Variants in EML4 observed in about 807,000 individuals in gnomAD.
EML4 encodes the protein echinoderm microtubule-associated protein-like 4.
Under a neutral mutation model 129.0 loss-of-function variants are expected in EML4, and 72 were observed. The observed-to-expected ratio is 0.56, with a 90% confidence interval of 0.46 to 0.68. The LOEUF is 0.68. EML4 is among the 30% of genes least tolerant of loss of function. EML4 has a pLI of 0.00. For synonymous variants in EML4, 532 were observed against 405.0 expected, an observed-to-expected ratio of 1.31 and a Z score of -3.77; for missense variants, 1,363 against 1,190.6, an observed-to-expected ratio of 1.14 and a Z score of -2.13.
At chr2:42,296,474 T>C (rs79655215) in intron 13 of EML4, among the ~76,000 whole-genome samples, 1 of 31,174 alleles carries the variant, frequency 3.2e-5, no homozygotes, top group Non-Finnish European at 6.4e-5. Flanking sequence ...CAACACCTTA[T>C]ACTTCTCTCT....
intron 2 of EML4, among the ~76,000 whole-genome samples, chr2:42,254,952 T>C (rs547326293): frequency 1.3e-5 from 2 of 152,302 alleles, no homozygotes; most frequent in Admixed American, 6.5e-5. Context: ...TTATAAAGAA[T>C]GAAATATATG....
intron 11 of EML4, chr2:42,289,755 G>A (rs371575607): frequency 2.0e-5 from 3 of 151,754 alleles, no homozygotes; most frequent in Admixed American, 6.6e-5. Context: ...TAGTACAAGC[G>A]ACTGCAAAAC....
At chr2:42,197,307 G>C (rs772219247) in intron 1 of EML4, among the ~76,000 whole-genome samples, 35 of 151,978 alleles carry the variant, frequency 2.3e-4, no homozygotes, top group Non-Finnish European at 4.0e-4. Flanking sequence ...CAAGTGATCC[G>C]CTTGCCTCAG....
chr2:42,216,847 A>G (rs1673225609), intron 1 of EML4, among the ~76,000 whole-genome samples: 1 of 152,202 alleles, frequency 6.6e-6, no homozygotes, highest in African/African-American at 2.4e-5. Context: ...AAAATTGGTT[A>G]TATCCAAAGT....
chr2:42,207,589 T>C (rs904522063), intron 1 of EML4, among the ~76,000 whole-genome samples: 5 of 152,218 alleles, frequency 3.3e-5, no homozygotes, highest in Non-Finnish European at 5.9e-5. Flanking sequence ...TCCTACCCAG[T>C]TCTAATAAAT....
chr2:42,179,930 G>A (rs2579963), intron 1 of EML4, among the ~76,000 whole-genome samples: 76,985 of 151,994 alleles, frequency 0.51, 19,954 homozygotes, highest in Middle Eastern at 0.79. Flanking sequence ...ACACAGATAC[G>A]TGTACATATA....
chr2:42,330,422 C>T lies in EML4; in HGVS notation c.*215C>T. The T allele has an allele frequency of 1.6e-6, 1 of 632,814 alleles. No individual in the cohort carries two copies. The highest frequency in any genetic ancestry group is 2.9e-6 in the Non-Finnish European group (1 of 349,460). 39.2% of individuals were successfully genotyped at this position (632,814 alleles called of 1,614,324 possible). On this transcript the variant is annotated 3_prime_UTR_variant, in exon 23 of 23. Coordinates refer to ENST00000318522, the MANE Select transcript of EML4 (RefSeq NM_019063.5). ...TATTGAAAATTAACCAAACTTAATA[C>T]TAGGAGAAGACTGAATCATTAATGA...
intron 20 of EML4, 52 bp downstream of exon 20, chr2:42,325,606 A>ATATATATATATATATGCTATGAT (rs1669759414): frequency 3.5e-5 from 1 of 28,410 alleles, no homozygotes; most frequent in Non-Finnish European, 6.0e-5. Flanking sequence ...TTATATTTAT[A>ATATATATATATATATGCTATGAT]TATATATATA....
intron 6 of EML4, among the ~76,000 whole-genome samples, chr2:42,269,880 G>C (rs1160035524): frequency 6.6e-6 from 1 of 152,130 alleles, no homozygotes; most frequent in Non-Finnish European, 1.5e-5. Flanking sequence ...GCAGGAAAGG[G>C]AAGCAAAGTG....
intron 18 of EML4, 55 bp downstream of exon 18, chr2:42,316,105 A>G (rs373817033): frequency 3.3e-5 from 40 of 1,214,672 alleles, no homozygotes; most frequent in East Asian, 4.7e-5. Flanking sequence ...CTTCACTGCA[A>G]TTGCATAGTT....
At chr2:42,308,975 A>G (rs1385643627) in intron 17 of EML4, among the ~76,000 whole-genome samples, 1 of 152,224 alleles carries the variant, frequency 6.6e-6, no homozygotes, top group Non-Finnish European at 1.5e-5. Flanking sequence ...CAACTGATGG[A>G]CATAGGGGTT....
In EML4 at chr2:42,255,550, T is replaced by A. The variant is rs1005519588; in HGVS notation, c.209-951T>A. ...TTTACCACAGTTTTTAAAAAGCTAC[T>A]GATATAACAATAAGTAACTTGTTTG... is the stretch of plus-strand genomic sequence containing the variant. On this transcript the variant is annotated intron_variant, in intron 2 of 22. Coordinates refer to ENST00000318522, the MANE Select transcript of EML4 (RefSeq NM_019063.5). Among the ~76,000 whole-genome samples, 7 of 152,216 alleles carry A rather than the reference T, an allele frequency of 4.6e-5. No homozygotes were observed. The South Asian group carries it at 1.4e-3, about 32-fold the overall frequency.
At chr2:42,178,802 C>T (rs943879528) in intron 1 of EML4, among the ~76,000 whole-genome samples, 2 of 152,144 alleles carry the variant, frequency 1.3e-5, no homozygotes, top group African/African-American at 4.8e-5. Flanking sequence ...TGCACTATAG[C>T]GCTTCTAAAG....
At chr2:42,215,054 A>C (rs1395026898) in intron 1 of EML4, among the ~76,000 whole-genome samples, 1 of 152,088 alleles carries the variant, frequency 6.6e-6, no homozygotes, top group Non-Finnish European at 1.5e-5. Context: ...ATAACTCTGC[A>C]TGGTAGATGT....
At chr2:42,271,301 T>A (rs1038359073) in intron 6 of EML4, among the ~76,000 whole-genome samples, 1 of 152,224 alleles carries the variant, frequency 6.6e-6, no homozygotes, top group African/African-American at 2.4e-5. Context: ...TTTATTTTAT[T>A]TAAGAGGGTA....
chr2:42,247,246 A>T (rs1324520150), intron 2 of EML4, among the ~76,000 whole-genome samples: 2 of 152,010 alleles, frequency 1.3e-5, no homozygotes, highest in Admixed American at 1.3e-4. Flanking sequence ...TAGCCCTGAT[A>T]ACTGTGAATA....
intron 22 of EML4, 124 bp from the exon 23 acceptor site, chr2:42,329,610 G>A: frequency 1.4e-6 from 1 of 713,416 alleles, no homozygotes; most frequent in Non-Finnish European, 2.4e-6. Flanking sequence ...ATGACTTCTG[G>A]CTTTAAATTG....
At chr2:42,188,262 A>G (rs544873814) in intron 1 of EML4, among the ~76,000 whole-genome samples, 1 of 152,168 alleles carries the variant, frequency 6.6e-6, no homozygotes, top group Non-Finnish European at 1.5e-5. Context: ...TAAAATTTTT[A>G]TATATTTGAA....
At chr2:42,199,223 G>T (rs1236607049) in intron 1 of EML4, among the ~76,000 whole-genome samples, 1 of 152,142 alleles carries the variant, frequency 6.6e-6, no homozygotes, top group Non-Finnish European at 1.5e-5. Context: ...AATTGTTGTG[G>T]GTAATAAAGC....
Sources: gnomAD v4.1 joint callset for allele counts (sites outside exome capture counted in the v4.1 genomes callset) on GRCh38, gnomAD v4.1.1 for gene constraint, MANE v1.5 for transcripts, NCBI Gene and HGNC (gene_info 2026-07-23, HGNC 2026-07-21) for gene names.